Variants in CLEC20A observed in about 807,000 individuals in gnomAD.
The protein encoded by CLEC20A is C-type lectin domain containing 20A.
chr1:178,496,830 C>A, intron 1 of CLEC20A, 70 bp downstream of exon 1: 1 of 398,686 alleles, frequency 2.5e-6, no homozygotes, highest in Non-Finnish European at 4.4e-6. Flanking sequence ...AGGGGTGCGC[C>A]CCCTTCCCTC....
upstream of CLEC20A, among the ~76,000 whole-genome samples, chr1:178,498,269 G>A (rs1443127497): frequency 2.0e-5 from 3 of 152,102 alleles, no homozygotes; most frequent in Non-Finnish European, 4.4e-5. Context: ...AGACCCCCAG[G>A]CCCAGTCTAG....
At chr1:178,482,073 A>AT (rs1649001332) in intron 7 of CLEC20A, 1 of 345,736 alleles carries the variant, frequency 2.9e-6, no homozygotes, top group Non-Finnish European at 5.0e-6. Flanking sequence ...CCAAAAAAAA[A>AT]CAAAAAAACA....
chr1:178,484,016 C>T (rs1033520941), intron 5 of CLEC20A: 1 of 152,208 alleles, frequency 6.6e-6, no homozygotes, highest in South Asian at 2.1e-4. Context: ...GTGTAAAGAT[C>T]TCCCTTGTTC....
chr1:178,482,631 G>A (rs1012017373), intron 6 of CLEC20A: 7 of 367,558 alleles, frequency 1.9e-5, no homozygotes, highest in Non-Finnish European at 3.4e-5. Flanking sequence ...CCACAGCCTG[G>A]CTACCCATCA....
At chr1:178,494,855 C>G (rs985473233) in intron 1 of CLEC20A, 45 bp from the exon 2 acceptor site, 1 of 399,072 alleles carries the variant, frequency 2.5e-6, no homozygotes, top group East Asian at 3.6e-5. Flanking sequence ...CCCACCCCAG[C>G]CCCTAGTCCT....
intron 4 of CLEC20A, among the ~76,000 whole-genome samples, chr1:178,489,256 G>A (rs888955560): frequency 4.4e-4 from 67 of 152,098 alleles, no homozygotes; most frequent in African/African-American, 1.5e-3. Context: ...CCAGCTACTT[G>A]GGAGGCTGAA....
upstream of CLEC20A, chr1:178,497,188 TG>T (rs1649418582): frequency 2.6e-6 from 1 of 386,850 alleles, no homozygotes; most frequent in Non-Finnish European, 4.6e-6. Context: ...GATCCCTGTG[TG>T]GGGGTTCAGA....
At chr1:178,496,487 C>T (rs991472134) in intron 1 of CLEC20A, 6 of 173,052 alleles carry the variant, frequency 3.5e-5, no homozygotes, top group Non-Finnish European at 4.9e-5. Context: ...GGCTCACCCA[C>T]GGCTCCCTTT....
intron 5 of CLEC20A, chr1:178,486,305 C>T (rs926955991): frequency 2.5e-5 from 10 of 397,590 alleles, no homozygotes; most frequent in Non-Finnish European, 3.5e-5. Context: ...CCCCACCTCT[C>T]ATCCTCAACT....
chr1:178,490,178 C>A (rs553481630), exon 4 of CLEC20A: 2 of 398,808 alleles, frequency 5.0e-6, no homozygotes, highest in Non-Finnish European at 4.4e-6. Flanking sequence ...TCACCATCAT[C>A]GGCACCTGCA....
upstream of CLEC20A, among the ~76,000 whole-genome samples, chr1:178,497,569 C>T (rs184270547): frequency 3.1e-4 from 47 of 152,328 alleles, no homozygotes; most frequent in African/African-American, 7.5e-4. Flanking sequence ...AGATCAGACC[C>T]TTCTGTCCAA....
chr1:178,498,281 C>A (rs1296862888), upstream of CLEC20A, among the ~76,000 whole-genome samples: 1 of 152,148 alleles, frequency 6.6e-6, no homozygotes, highest in East Asian at 1.9e-4. Flanking sequence ...CCAGTCTAGG[C>A]TCTGACTCCA....
At chr1:178,482,928 T>C (rs995600045) in intron 6 of CLEC20A, 5 of 344,866 alleles carry the variant, frequency 1.4e-5, no homozygotes, top group African/African-American at 8.4e-5. Flanking sequence ...CGCTGTGATA[T>C]AGGCAGGGTA....
At chr1:178,486,784 G>T (rs904602774) in intron 5 of CLEC20A, 1 of 398,484 alleles carries the variant, frequency 2.5e-6, no homozygotes, top group Non-Finnish European at 4.4e-6. Context: ...GGACGCCGAG[G>T]GCGCAGGGTG....
chr1:178,499,456 T>C (rs1317431745), upstream of CLEC20A: 4 of 152,180 alleles, frequency 2.6e-5, no homozygotes, highest in African/African-American at 9.7e-5. Flanking sequence ...AGGCAGAATC[T>C]AATCAGCTGC....
intron 4 of CLEC20A, 149 bp downstream of exon 4, chr1:178,489,923 G>C: frequency 2.5e-6 from 1 of 397,180 alleles, no homozygotes; most frequent in African/African-American, 2.1e-5. Context: ...AGGATCTCAG[G>C]AGCCTGCTCC....
At chr1:178,486,780 C>G (rs1649157426) in intron 5 of CLEC20A, 5 of 398,392 alleles carry the variant, frequency 1.3e-5, no homozygotes, top group Non-Finnish European at 2.2e-5. Context: ...GCTGGGACGC[C>G]GAGGGCGCAG....
In CLEC20A at chr1:178,484,918, C is replaced by T. The variant is rs189743459; in HGVS notation, c.929-1636G>A. Among the ~76,000 whole-genome samples, 693 of 152,328 alleles carry T rather than the reference C, an allele frequency of 4.5e-3. 7 individuals carry two copies. The highest frequency in any genetic ancestry group is 0.014 in the African/African-American group (597 of 41,582). ...GACTGTGCAATATTCTTTCCCCACA[C>T]ACACGTTTCCTGTCTCTCCTTTTCT... On this transcript the variant is annotated intron_variant, in intron 5 of 7. Transcript: ENST00000623247.
chr1:178,495,835 G>C (rs775750423), intron 1 of CLEC20A: 1 of 152,438 alleles, frequency 6.6e-6, no homozygotes, highest in Non-Finnish European at 1.5e-5. Context: ...AATGTGGTTG[G>C]TCCAGGGCTG....
Sources: allele counts gnomAD v4.1 joint callset (sites outside exome capture counted in the v4.1 genomes callset), GRCh38; gene constraint gnomAD v4.1.1; transcripts MANE v1.5; gene names NCBI Gene and HGNC (gene_info 2026-07-23, HGNC 2026-07-21).